Variants in PLEKHM3 observed in about 807,000 individuals in gnomAD.
PLEKHM3 encodes the protein pleckstrin homology domain-containing family M member 3.
In PLEKHM3, 45 loss-of-function variants were observed where a neutral mutation model predicts 81.8. The observed-to-expected ratio is 0.55, with a 90% CI of 0.43 to 0.71. The LOEUF (loss-of-function observed/expected upper bound fraction) is 0.71. Ranked by LOEUF, PLEKHM3 falls within the 30% of genes least tolerant of loss-of-function variation. The probability of loss-of-function intolerance (pLI) is 0.00; values close to 1 mark genes in which losing one functional copy is unlikely to be tolerated. For missense variants in PLEKHM3, 788 were observed against 924.3 expected (o/e 0.85, Z 1.91); for synonymous variants, 352 against 356.4 (o/e 0.99, Z 0.14).
At chr2:208,016,126 AGAGG>A (rs1692904009) in intron 1 of PLEKHM3, among the ~76,000 whole-genome samples, 1 of 152,144 alleles carries the variant, frequency 6.6e-6, no homozygotes, top group Non-Finnish European at 1.5e-5. Flanking sequence ...ACCAGGAGGC[AGAGG>A]TTGCAGTGAG....
At chr2:207,828,898 T>C (rs555193870) in intron 7 of PLEKHM3, among the ~76,000 whole-genome samples, 2 of 152,272 alleles carry the variant, frequency 1.3e-5, no homozygotes, top group East Asian at 3.9e-4. Flanking sequence ...AGCCACAGCG[T>C]TACATCCATG....
chr2:207,977,578 G>C lies in PLEKHM3; in HGVS notation c.619C>G (p.Gln207Glu). ...EDAQGNTEHK[Q>E]TFPNILKKGY... ...TTCTTTAGAATGTTTGGGAATGTCT[G>C]CTTGTGTTCTAGAAAGGAAAAGAGA... Residue 207 changes from glutamine (Q) to glutamate (E), a missense_variant, in exon 3 of 8, where the codon CAG (glutamine) becomes GAG (glutamate). Transcript: ENST00000427836. 6.2e-7 allele frequency: 1 copy of C among 1,601,806 alleles called. No individual in the cohort carries two copies. The highest frequency in any genetic ancestry group is 8.5e-7 in the Non-Finnish European group (1 of 1,175,322).
chr2:207,842,924 C>T (rs1212917038), intron 7 of PLEKHM3, among the ~76,000 whole-genome samples: 11 of 152,124 alleles, frequency 7.2e-5, no homozygotes, highest in Admixed American at 2.0e-4. Context: ...GCGGAAGCAT[C>T]GAGCTGTGCT....
At chr2:207,854,985 T>C (rs1021143131) in intron 7 of PLEKHM3, among the ~76,000 whole-genome samples, 4 of 152,142 alleles carry the variant, frequency 2.6e-5, no homozygotes, top group Admixed American at 6.5e-5. Context: ...GATTCTGATA[T>C]ACAGTCAGAG....
intron 6 of PLEKHM3, among the ~76,000 whole-genome samples, chr2:207,870,661 T>C (rs904597882): frequency 6.6e-6 from 1 of 152,246 alleles, no homozygotes; most frequent in Non-Finnish European, 1.5e-5. Flanking sequence ...GAGTGAAGTC[T>C]AGTGGCCTTG....
chr2:207,857,053 A>G (rs1390949753), intron 7 of PLEKHM3, among the ~76,000 whole-genome samples: 3 of 152,190 alleles, frequency 2.0e-5, no homozygotes, highest in Non-Finnish European at 4.4e-5. Context: ...AGAGATGTCA[A>G]TTAGATCCAG....
rs373834103 is a variant in PLEKHM3, at chr2:207,977,232, G to A, written c.965C>T (p.Thr322Ile). ...PGYMGRQNEL[T>I]ISPGLGHHDD... is the part of the protein sequence containing the mutation. ...ATGATGGCCAAGCCCTGGTGAGATT[G>A]TCAGCTCATTCTGCCGCCCCATGTA... Residue 322 changes from threonine to isoleucine, a missense_variant, in exon 3 of 8, where the codon ACA becomes ATA. Coordinates refer to ENST00000427836, the MANE Select transcript of PLEKHM3 (RefSeq NM_001080475.3). 6.2e-7 allele frequency: 1 copy of A among 1,614,146 alleles called. No individual in the cohort carries two copies. Among genetic ancestry groups the A allele is most frequent in the Non-Finnish European group, 8.5e-7 (1 of 1,180,006 alleles).
At chr2:207,973,455 C>A (rs1046392423) in intron 3 of PLEKHM3, among the ~76,000 whole-genome samples, 4 of 152,110 alleles carry the variant, frequency 2.6e-5, no homozygotes, top group Non-Finnish European at 5.9e-5. Flanking sequence ...CAGAGTTCAG[C>A]CTGGCACAGG....
rs1373052232 is a variant in PLEKHM3, at chr2:207,824,041, A to T, written c.*4278T>A. 1.3e-5 allele frequency: 2 copies of T among 152,220 alleles called. No individual in the cohort carries two copies. The highest frequency in any genetic ancestry group is 4.8e-5 in the African/African-American group (2 of 41,460). The allele number at this position is 152,220 out of a possible 1,614,324, so 9.4% of individuals were successfully genotyped here. A position where few individuals can be genotyped will look rare whatever the true frequency, so the allele number is the denominator to read the frequency against. On this transcript the variant is annotated 3_prime_UTR_variant, in exon 8 of 8. Coordinates refer to ENST00000427836, the MANE Select transcript of PLEKHM3 (RefSeq NM_001080475.3). ...GCAGAGCTTAGTCACCCATCACTGG[A>T]TTCGACCTCGAGCAGACAGCTCTAC...
chr2:207,861,321 C>T, intron 6 of PLEKHM3, 59 bp from the exon 7 acceptor site: 1 of 1,517,796 alleles, frequency 6.6e-7, no homozygotes, highest in Non-Finnish European at 8.9e-7. Flanking sequence ...GTCTTGTACA[C>T]ACAGGAAAGG....
intron 5 of PLEKHM3, among the ~76,000 whole-genome samples, chr2:207,923,467 C>A (rs917276000): frequency 3.3e-5 from 5 of 151,680 alleles, no homozygotes; most frequent in African/African-American, 1.2e-4. Flanking sequence ...ATTAGCTGGG[C>A]ATGGTGGCAC....
intron 4 of PLEKHM3, among the ~76,000 whole-genome samples, chr2:207,938,062 T>C (rs1331462822): frequency 6.6e-6 from 1 of 152,182 alleles, no homozygotes; most frequent in Non-Finnish European, 1.5e-5. Context: ...TTATGTAACA[T>C]GGAAAACCCC....
intron 7 of PLEKHM3, among the ~76,000 whole-genome samples, chr2:207,831,991 A>C (rs1197680785): frequency 6.6e-6 from 1 of 152,250 alleles, no homozygotes; most frequent in African/African-American, 2.4e-5. Context: ...AGGAGGAAAA[A>C]CCCTGGGTTC....
chr2:207,996,216 G>C (rs1212615835), intron 2 of PLEKHM3, among the ~76,000 whole-genome samples: 1 of 152,110 alleles, frequency 6.6e-6, no homozygotes, highest in African/African-American at 2.4e-5. Context: ...AAAATCAAAA[G>C]TGTTTGATTT....
intron 5 of PLEKHM3, among the ~76,000 whole-genome samples, chr2:207,918,313 G>A (rs1689063275): frequency 6.6e-6 from 1 of 152,166 alleles, no homozygotes; most frequent in South Asian, 2.1e-4. Context: ...ACGAGGTCAG[G>A]AGATCAAGAC....
intron 1 of PLEKHM3, among the ~76,000 whole-genome samples, chr2:208,005,712 T>C (rs1692472045): frequency 6.6e-6 from 1 of 152,164 alleles, no homozygotes; most frequent in African/African-American, 2.4e-5. Context: ...ATTTAGTGTT[T>C]CTCTCTCTCC....
At chr2:207,905,012 C>A (rs1451424846) in intron 6 of PLEKHM3, among the ~76,000 whole-genome samples, 2 of 152,016 alleles carry the variant, frequency 1.3e-5, no homozygotes, top group Non-Finnish European at 2.9e-5. Context: ...TAAATTCTTA[C>A]CTATTTTTTT....
rs763753728 is a variant in PLEKHM3, at chr2:207,977,261, G to A, written c.936C>T (p.Pro312=). 233 of 1,614,004 alleles carry A rather than the reference G, an allele frequency of 1.4e-4. No homozygotes were observed. The highest frequency in any genetic ancestry group is 1.9e-4 in the Non-Finnish European group (223 of 1,180,026). The part of the protein sequence containing the change: ...KLWEVVHAAV[P]GYMGRQNELT... Reference sequence around the variant, plus strand: ...GCTCATTCTGCCGCCCCATGTAACCGGGCACAGCAGCATGCACTACTTCCC... The same window carrying A: ...GCTCATTCTGCCGCCCCATGTAACCAGGCACAGCAGCATGCACTACTTCCC... Residue 312 remains proline, a synonymous_variant, in exon 3 of 8, where the codon CCC becomes CCT. Coordinates refer to ENST00000427836, the MANE Select transcript of PLEKHM3 (RefSeq NM_001080475.3).
chr2:207,852,758 T>C (rs1235699201), intron 7 of PLEKHM3: 1 of 438,620 alleles, frequency 2.3e-6, no homozygotes, highest in Admixed American at 2.7e-5. Flanking sequence ...ACTATATAGG[T>C]GATGGGATCA....
Sources: allele counts gnomAD v4.1 joint callset (sites outside exome capture counted in the v4.1 genomes callset), GRCh38; gene constraint gnomAD v4.1.1; transcripts MANE v1.5; gene names NCBI Gene and HGNC (gene_info 2026-07-23, HGNC 2026-07-21).